Variants in EDNRB observed in about 807,000 individuals in gnomAD.
EDNRB encodes the protein endothelin receptor type B, also known as Hirschsprung disease 2.
In EDNRB, 18 loss-of-function variants were observed where a neutral mutation model predicts 46.4. The observed-to-expected ratio is 0.39, with a 90% CI of 0.27 to 0.57. The LOEUF is 0.57. Ranked by LOEUF, EDNRB falls within the 20% of genes least tolerant of loss-of-function variation. EDNRB has a pLI of 0.61. For synonymous variants in EDNRB, 213 were observed against 204.9 expected, an observed-to-expected ratio of 1.04 and a Z score of -0.34; for missense variants, 434 against 537.5, an observed-to-expected ratio of 0.81 and a Z score of 1.90.
chr13:77,941,894 C>T (rs1880758792), intron 1 of EDNRB, among the ~76,000 whole-genome samples: 1 of 152,158 alleles, frequency 6.6e-6, no homozygotes, highest in East Asian at 1.9e-4. Flanking sequence ...TATTTTGTTA[C>T]TATTCATAAA....
chr13:77,926,209 C>G (rs1277606521), intron 1 of EDNRB, among the ~76,000 whole-genome samples: 1 of 152,168 alleles, frequency 6.6e-6, no homozygotes, highest in African/African-American at 2.4e-5. Context: ...ATCCTTGCTA[C>G]TTATGTCAAT....
chr13:77,918,285 T>G lies in EDNRB; in HGVS notation c.289A>C (p.Lys97Gln). Residue 97 changes from lysine (K) to glutamine (Q), a missense_variant, in exon 1 of 7, where the codon AAG (lysine) becomes CAG (glutamine). Coordinates refer to ENST00000646607, the MANE Select transcript of EDNRB (RefSeq NM_001122659.3). This position sits in a 1 kb window ranked among gnomAD's most constrained non-coding sequence, Gnocchi z 4.5. ...GTGTTGATGTATTTGAAAGTCTCCT[T>G]GATCTCGATGGGTCCTTGGCACGGG... ...PPPCQGPIEI[K>Q]ETFKYINTVV... is the part of the protein sequence containing the mutation. The G allele has an allele frequency of 6.2e-7, 1 of 1,614,080 alleles. No individual in the cohort carries two copies. The highest frequency in any genetic ancestry group is 8.5e-7 in the Non-Finnish European group (1 of 1,180,012).
At chr13:77,919,540 G>A, upstream of EDNRB, 1 of 1,612,738 alleles carries the variant, frequency 6.2e-7, no homozygotes, top group South Asian at 1.1e-5. Flanking sequence ...ACGAAACGCT[G>A]CGAGAATGCC....
chr13:77,964,364 A>G (rs1881517745), intron 1 of EDNRB, among the ~76,000 whole-genome samples: 1 of 152,252 alleles, frequency 6.6e-6, no homozygotes, highest in Non-Finnish European at 1.5e-5. Flanking sequence ...AATATCAAAC[A>G]CTTGGAACCA....
chr13:77,919,438 AC>A, upstream of EDNRB: 1 of 1,612,642 alleles, frequency 6.2e-7, no homozygotes, highest in Non-Finnish European at 8.5e-7. Flanking sequence ...ACGAATGGAG[AC>A]CACCTTCCCG....
chr13:77,960,401 G>T (rs886650378), intron 1 of EDNRB, among the ~76,000 whole-genome samples: 16 of 152,114 alleles, frequency 1.1e-4, no homozygotes, highest in Non-Finnish European at 2.9e-5. Flanking sequence ...TTAAAGAAAA[G>T]AATTTTCAAC....
At chr13:77,907,372 G>A (rs1879331905) in intron 1 of EDNRB, among the ~76,000 whole-genome samples, 1 of 151,874 alleles carries the variant, frequency 6.6e-6, no homozygotes, top group Non-Finnish European at 1.5e-5. Flanking sequence ...CCCTCAGACT[G>A]GTTTCTCAGG....
chr13:77,971,612 A>C (rs1460692325), intron 1 of EDNRB, among the ~76,000 whole-genome samples: 1 of 151,408 alleles, frequency 6.6e-6, no homozygotes, highest in East Asian at 1.9e-4. Context: ...AACTCATGGA[A>C]AGCTTGCTGC....
At chr13:77,954,273 A>G (rs1229319133) in intron 1 of EDNRB, among the ~76,000 whole-genome samples, 1 of 152,120 alleles carries the variant, frequency 6.6e-6, no homozygotes, top group African/African-American at 2.4e-5. Flanking sequence ...AGATTTATAA[A>G]AACTCCTTAT....
intron 1 of EDNRB, among the ~76,000 whole-genome samples, chr13:77,940,962 T>A (rs1880728400): frequency 6.6e-6 from 1 of 152,242 alleles, no homozygotes; most frequent in Non-Finnish European, 1.5e-5. Context: ...ATACTATTGA[T>A]TAAGACAGGA....
intron 1 of EDNRB, among the ~76,000 whole-genome samples, chr13:77,948,546 A>G (rs918156616): frequency 6.6e-5 from 10 of 152,194 alleles, no homozygotes; most frequent in Admixed American, 1.3e-4. Context: ...CAAATGGATG[A>G]TGGACATTGA....
At chr13:77,962,256 C>T (rs535588824) in intron 1 of EDNRB, among the ~76,000 whole-genome samples, 53 of 152,010 alleles carry the variant, frequency 3.5e-4, no homozygotes, top group African/African-American at 1.0e-3. Context: ...TAGAAAAAGA[C>T]GGAATCCCCC....
chr13:77,936,223 G>T (rs995936213), intron 1 of EDNRB, among the ~76,000 whole-genome samples: 3 of 152,102 alleles, frequency 2.0e-5, no homozygotes, highest in Non-Finnish European at 4.4e-5. Context: ...TGAACTGGGG[G>T]AAAAGGCGGC....
At chr13:77,943,032 C>G (rs1157310313) in intron 1 of EDNRB, among the ~76,000 whole-genome samples, 2 of 152,072 alleles carry the variant, frequency 1.3e-5, no homozygotes, top group African/African-American at 4.8e-5. Context: ...AAGGCAATAT[C>G]AGTCTAAAAT....
intron 1 of EDNRB, among the ~76,000 whole-genome samples, chr13:77,968,950 C>T (rs1463065738): frequency 6.6e-6 from 1 of 152,116 alleles, no homozygotes; most frequent in African/African-American, 2.4e-5. Context: ...CGTCACCCTT[C>T]CACAATTTAG....
intron 1 of EDNRB, among the ~76,000 whole-genome samples, chr13:77,932,250 A>G (rs1244913998): frequency 1.3e-5 from 2 of 152,182 alleles, no homozygotes; most frequent in Non-Finnish European, 2.9e-5. Context: ...GACATCAAAG[A>G]CAGCTTTATG....
intron 1 of EDNRB, among the ~76,000 whole-genome samples, chr13:77,928,806 A>C (rs1390681314): frequency 6.6e-6 from 1 of 152,196 alleles, no homozygotes; most frequent in African/African-American, 2.4e-5. Context: ...TGTCTTAGTG[A>C]CGTTTTCACC....
At chr13:77,940,337 T>TC (rs1880707406) in intron 1 of EDNRB, among the ~76,000 whole-genome samples, 1 of 151,668 alleles carries the variant, frequency 6.6e-6, no homozygotes, top group African/African-American at 2.4e-5. Context: ...AATTTTTTTT[T>TC]TTCATAGAGA....
At chr13:77,927,433 C>G (rs533746692) in intron 1 of EDNRB, among the ~76,000 whole-genome samples, 2 of 152,310 alleles carry the variant, frequency 1.3e-5, no homozygotes, top group South Asian at 2.1e-4. Context: ...TGTCTAGGAA[C>G]TAGAACAAAG....
Sources: gnomAD v4.1 joint callset for allele counts (sites outside exome capture counted in the v4.1 genomes callset) on GRCh38, gnomAD v4.1.1 for gene constraint, Gnocchi (gnomAD v3.1) non-coding constraint, MANE v1.5 for transcripts, NCBI Gene and HGNC (gene_info 2026-07-23, HGNC 2026-07-21) for gene names.